The following PARN variants were observed in gnomAD, a reference collection of about 807,000 sequenced individuals.
PARN encodes the protein poly(A)-specific ribonuclease, also known as poly(A)-specific ribonuclease PARN.
In PARN, 71 loss-of-function variants were observed where a neutral mutation model predicts 102.8. The ratio of observed to expected loss-of-function variants is 0.69; its 90% confidence interval spans 0.57 to 0.84. PARN has a LOEUF of 0.84. Among genes scored for constraint, PARN ranks in the 40% least tolerant of loss-of-function variants. The pLI is 0.00. For synonymous variants in PARN, 261 were observed against 252.9 expected (o/e 1.03, Z -0.30); for missense variants, 782 against 760.9 (o/e 1.03, Z -0.33).
At position 14,533,400 on chromosome 16, in the gene PARN, G is replaced by A. The variant is rs1205011738; in HGVS notation, c.1480+18621C>T. On this transcript the variant is annotated intron_variant, in intron 21 of 23. Transcript: ENST00000437198. The stretch of plus-strand genomic sequence containing the variant: ...TGGCATCAGAGGGAGACCGTGGAAA[G>A]AGAGGGAGACCGTGGGGAGACGGAG... 4.3e-5 allele frequency among the ~76,000 whole-genome samples: 6 copies of A among 138,432 alleles called. No homozygotes were observed. The East Asian group carries it at 1.4e-3, about 33-fold the overall frequency. 90.8% of individuals were successfully genotyped at this position (138,432 alleles called of 152,430 possible). A position where few individuals can be genotyped will look rare whatever the true frequency, so the allele number is the denominator to read the frequency against.
intron 10 of PARN, among the ~76,000 whole-genome samples, chr16:14,605,296 A>G (rs530949113): frequency 1.1e-4 from 17 of 152,350 alleles, no homozygotes; most frequent in African/African-American, 2.9e-4. Flanking sequence ...AAATGCCAAC[A>G]TAAGTTGAGC....
chr16:14,577,814 C>T (rs980263463), intron 18 of PARN, among the ~76,000 whole-genome samples: 3 of 151,938 alleles, frequency 2.0e-5, no homozygotes, highest in Non-Finnish European at 4.4e-5. Context: ...ATTACAGGCA[C>T]CCATCAACAC....
At chr16:14,518,396 T>C (rs959079353) in intron 21 of PARN, among the ~76,000 whole-genome samples, 3 of 150,502 alleles carry the variant, frequency 2.0e-5, no homozygotes, top group Non-Finnish European at 4.4e-5. Context: ...ATATTGGCTA[T>C]ACCAATACAT....
chr16:14,457,841 CTT>C (rs949516038), intron 22 of PARN, among the ~76,000 whole-genome samples: 1 of 107,212 alleles, frequency 9.3e-6, no homozygotes, highest in Non-Finnish European at 2.0e-5. Context: ...TGTAAACAAA[CTT>C]AACATTAAAT....
intron 18 of PARN, chr16:14,564,968 G>T (rs571442355): frequency 6.6e-6 from 1 of 152,060 alleles, no homozygotes; most frequent in Non-Finnish European, 1.5e-5. Flanking sequence ...ATTAATCTGC[G>T]GCTCACCCCA....
intron 5 of PARN, among the ~76,000 whole-genome samples, chr16:14,626,869 G>C (rs754785858): frequency 6.6e-6 from 1 of 151,778 alleles, no homozygotes; most frequent in Non-Finnish European, 1.5e-5. Flanking sequence ...CGCCCTCCCC[G>C]GCCTCCCAAA....
intron 22 of PARN, among the ~76,000 whole-genome samples, chr16:14,456,907 C>G (rs1567290387): frequency 6.6e-6 from 1 of 152,238 alleles, no homozygotes; most frequent in African/African-American, 2.4e-5. Flanking sequence ...CTACTCGCCT[C>G]TGCCTTGCCT....
At chr16:14,623,085 C>T (rs1444848511) in intron 5 of PARN, among the ~76,000 whole-genome samples, 1 of 145,864 alleles carries the variant, frequency 6.9e-6, no homozygotes, top group African/African-American at 2.6e-5. Context: ...GCCTTGGTGA[C>T]AGAGACTCTG....
intron 18 of PARN, among the ~76,000 whole-genome samples, chr16:14,573,536 C>T (rs1968934165): frequency 6.6e-6 from 1 of 152,172 alleles, no homozygotes; most frequent in African/African-American, 2.4e-5. Context: ...TAGGAACTAT[C>T]AAAGTCCTTT....
At chr16:14,606,067 A>C (rs1971159473) in intron 10 of PARN, among the ~76,000 whole-genome samples, 1 of 152,160 alleles carries the variant, frequency 6.6e-6, no homozygotes, top group African/African-American at 2.4e-5. Flanking sequence ...TAGGTTACCT[A>C]GCTCATAACA....
At chr16:14,621,990 C>T (rs2151815438) in intron 5 of PARN, among the ~76,000 whole-genome samples, 1 of 151,886 alleles carries the variant, frequency 6.6e-6, no homozygotes, top group South Asian at 2.1e-4. Flanking sequence ...GTCAGGAATT[C>T]GTGACCAGAC....
intron 14 of PARN, 98 bp downstream of exon 14, chr16:14,586,220 T>G: frequency 1.4e-6 from 1 of 723,312 alleles, no homozygotes; most frequent in Non-Finnish European, 2.5e-6. Flanking sequence ...CAAGTGATCC[T>G]CCCACCTCAG....
In PARN at chr16:14,584,425, G is replaced by C. The variant is rs749237757; in HGVS notation, c.1006-3C>G. 1 of 1,610,004 alleles carries C rather than the reference G, an allele frequency of 6.2e-7. No homozygotes were observed. Among genetic ancestry groups the C allele is most frequent in the Non-Finnish European group, 8.5e-7 (1 of 1,176,888 alleles). ...AGGGATGTGTTGTTAATGATATCCT[G>C]CAAACCACGAAGCAAAGAATTATGA... is the stretch of plus-strand genomic sequence containing the variant. On this transcript the variant is annotated splice_polypyrimidine_tract_variant and splice_region_variant and intron_variant, in intron 15 of 23. Transcript: ENST00000437198.
intron 18 of PARN, among the ~76,000 whole-genome samples, chr16:14,577,036 T>C (rs934861082): frequency 2.0e-5 from 3 of 152,236 alleles, no homozygotes; most frequent in African/African-American, 7.2e-5. Context: ...AAGTGAAGTT[T>C]ATTTCCCTTC....
intron 21 of PARN, among the ~76,000 whole-genome samples, chr16:14,542,547 G>A (rs1414110219): frequency 1.4e-5 from 2 of 148,084 alleles, no homozygotes; most frequent in African/African-American, 4.9e-5. Flanking sequence ...AAGACTAAGT[G>A]GCCAGGAACT....
chr16:14,610,645 C>T lies in PARN; in HGVS notation c.553G>A (p.Val185Ile). The change falls in exon 7 of 24, where the codon GTA (valine) becomes ATA (isoleucine). Residue 185 changes from valine to isoleucine, a missense_variant and splice_region_variant. Val to Ile is a conservative substitution (Grantham distance 29). Transcript: ENST00000437198. ...EDQKKFIDQV[V>I]EKIEDLLQSE... ...CTTAGTTTTAATTTAGGAACTTACACCACTTGGTCAATAAACTTCTTTTGA... is the reference window on the plus strand; with the variant it reads ...CTTAGTTTTAATTTAGGAACTTACATCACTTGGTCAATAAACTTCTTTTGA... 2 of 1,597,846 alleles carry T rather than the reference C, an allele frequency of 1.3e-6. No homozygotes were observed. The highest frequency in any genetic ancestry group is 4.5e-5 in the East Asian group (2 of 44,782).
At chr16:14,567,301 C>A (rs1968490670) in intron 18 of PARN, among the ~76,000 whole-genome samples, 1 of 152,182 alleles carries the variant, frequency 6.6e-6, no homozygotes, top group Non-Finnish European at 1.5e-5. Flanking sequence ...CTTGAAGCAT[C>A]TGCAGTGCTA....
intron 21 of PARN, among the ~76,000 whole-genome samples, chr16:14,543,238 G>A (rs1475906085): frequency 6.6e-6 from 1 of 151,998 alleles, no homozygotes; most frequent in Non-Finnish European, 1.5e-5. Context: ...TGTGAATAAA[G>A]GCAAAATAAA....
chr16:14,446,578 A>G (rs1961208133), intron 23 of PARN, among the ~76,000 whole-genome samples: 1 of 152,188 alleles, frequency 6.6e-6, no homozygotes, highest in South Asian at 2.1e-4. Context: ...ATTTAAATGC[A>G]CATTTTAAAT....
Sources: allele counts gnomAD v4.1 joint callset (sites outside exome capture counted in the v4.1 genomes callset), GRCh38; gene constraint gnomAD v4.1.1; transcripts MANE v1.5; gene names NCBI Gene and HGNC (gene_info 2026-07-23, HGNC 2026-07-21).